Variants in FANCM observed in about 807,000 individuals in gnomAD.
FANCM encodes Fanconi anemia group M protein.
A neutral mutation model predicts 199.5 loss-of-function variants in FANCM; 140 were observed. The ratio of observed to expected loss-of-function variants is 0.70; its 90% CI spans 0.61 to 0.81. The LOEUF (loss-of-function observed/expected upper bound fraction) is 0.81, where lower values mean the gene tolerates loss of function less well. FANCM is among the 30% of genes least tolerant of loss of function. The pLI, the probability that FANCM is intolerant of heterozygous loss-of-function variation, is 0.00. For synonymous variants in FANCM, 840 were observed against 836.8 expected, an observed-to-expected ratio of 1.00 and a Z score of -0.07; for missense variants, 2,410 against 2,421.4, an observed-to-expected ratio of 1.00 and a Z score of 0.10.
At position 45,177,096 on chromosome 14, in the gene FANCM, A is replaced by G; in HGVS notation, c.4222+120A>G. ...TGGTACAATATAAATATTGAATTAG[A>G]TAATTGATGTGTTATATTTTTCTTA... On this transcript the variant is annotated intron_variant, in intron 14 of 22. Coordinates refer to ENST00000267430, the MANE Select transcript of FANCM (RefSeq NM_020937.4). 5 of 653,704 alleles carry G rather than the reference A, an allele frequency of 7.6e-6. No homozygotes were observed. In the South Asian group the frequency reaches 9.6e-5, roughly 13 times the overall value. The allele number at this position is 653,704 out of a possible 1,614,324, so 40.5% of individuals were successfully genotyped here.
intron 13 of FANCM, among the ~76,000 whole-genome samples, chr14:45,174,034 A>G (rs1325343116): frequency 6.6e-6 from 1 of 152,206 alleles, no homozygotes; most frequent in East Asian, 1.9e-4. Flanking sequence ...TATGTGGAGT[A>G]TATATACTAG....
intron 9 of FANCM, 127 bp downstream of exon 9, chr14:45,159,407 G>A: frequency 1.6e-6 from 1 of 636,756 alleles, no homozygotes; most frequent in East Asian, 2.9e-5. Context: ...AAACGTGTAG[G>A]TAAAAATAAG....
chr14:45,187,704 TAGATTGAAGTTAAA>T lies in FANCM; in HGVS notation c.4673-76_4673-63del, dbSNP rs879844393. On this transcript the variant is annotated intron_variant, in intron 18 of 22. Coordinates refer to ENST00000267430, the MANE Select transcript of FANCM (RefSeq NM_020937.4). ...AGGTTTGAATCAAGTAAATTTGAAA[TAGATTGAAGTTAAA>T]TACTTTACTGGTTTTCATTTAAATA... 2,188 of 688,776 alleles carry T rather than the reference TAGATTGAAGTTAAA, an allele frequency of 3.2e-3. 28 individuals are homozygous for T. Among genetic ancestry groups the T allele is most frequent in the Admixed American group, 0.031 (1,304 of 42,694 alleles). 42.7% of individuals were successfully genotyped at this position (688,776 alleles called of 1,614,324 possible). A position where few individuals can be genotyped will look rare whatever the true frequency, so the allele number is the denominator to read the frequency against.
chr14:45,150,713 C>T (rs561564792), intron 4 of FANCM, among the ~76,000 whole-genome samples: 1 of 152,164 alleles, frequency 6.6e-6, no homozygotes, highest in Non-Finnish European at 1.5e-5. Flanking sequence ...GATCCCTTTC[C>T]TCTCAAAGAC....
chr14:45,181,662 C>G lies in FANCM; in HGVS notation c.4343C>G (p.Ser1448Cys). The change falls in exon 16 of 23, where the codon TCT becomes TGT. Residue 1448 changes from serine (S) to cysteine (C), a missense_variant. Coordinates refer to ENST00000267430, the MANE Select transcript of FANCM (RefSeq NM_020937.4). ...GATCAGAAAAATAGTGAAGTTGATT[C>G]TCCACTTCATGCTGTCAAAAAGCGC... ...PEDQKNSEVDSPLHAVKKRRF... is the reference protein window; with the variant it reads ...PEDQKNSEVDCPLHAVKKRRF... The G allele has an allele frequency of 6.2e-7, 1 of 1,610,808 alleles. No homozygotes were observed. The highest frequency in any genetic ancestry group is 8.5e-7 in the Non-Finnish European group (1 of 1,177,512).
Position 45,137,129 on chromosome 14 carries a change from C to A in FANCM, c.569C>A (p.Thr190Lys). 1 of 1,613,334 alleles carries A rather than the reference C, an allele frequency of 6.2e-7. No individual in the cohort carries two copies. Among genetic ancestry groups the A allele is most frequent in the Non-Finnish European group, 8.5e-7 (1 of 1,179,390 alleles). Reference protein sequence around the residue: ...IWCSKRVLFLTPQVMVNDLSR... With the variant: ...IWCSKRVLFLKPQVMVNDLSR... ...TGCAGTAAGAGAGTGCTTTTTCTTA[C>A]ACCTCAGGTCATGGTAAATGACCTT... The change falls in exon 2 of 23, where the codon ACA (threonine) becomes AAA (lysine). Residue 190 changes from threonine to lysine, a missense_variant. Transcript: ENST00000267430.
rs765349502 is a variant in FANCM at position 45,181,708 on chromosome 14, AAG to A, written c.4386+4_4386+5del. Reference sequence around the variant, plus strand: ...AGCGCAGATTTCCTATAAACAGAGTAAGTAAATACCAGGTAATGTATAGTAAT... The same window carrying A: ...AGCGCAGATTTCCTATAAACAGAGTATAAATACCAGGTAATGTATAGTAAT... On this transcript the variant is annotated splice_donor_5th_base_variant and intron_variant, in intron 16 of 22. Coordinates refer to ENST00000267430, the MANE Select transcript of FANCM (RefSeq NM_020937.4). 2 of 1,581,386 alleles carry A rather than the reference AAG, an allele frequency of 1.3e-6. No individual in the cohort carries two copies. The highest frequency in any genetic ancestry group is 2.7e-5 in the African/African-American group (2 of 74,388).
Sources: allele counts gnomAD v4.1 joint callset (sites outside exome capture counted in the v4.1 genomes callset), GRCh38; gene constraint gnomAD v4.1.1; transcripts MANE v1.5; gene names NCBI Gene and HGNC (gene_info 2026-07-23, HGNC 2026-07-21).